The following SAMTOR variants were observed in gnomAD, a reference collection of about 807,000 sequenced individuals.
SAMTOR encodes the protein UPF0532 protein C7orf60.
chr7:112,902,416 C>CAAAAAAAAAAAAAAAAAA, the SAMTOR span, among the ~76,000 whole-genome samples: 16 of 12,312 alleles, frequency 1.3e-3, 3 homozygotes, highest in East Asian at 0.012. Flanking sequence ...AACTCCGTCT[C>CAAAAAAAAAAAAAAAAAA]AAAAAAAAAA....
the SAMTOR span, among the ~76,000 whole-genome samples, chr7:112,828,881 T>C: frequency 6.6e-6 from 1 of 152,226 alleles, no homozygotes; most frequent in African/African-American, 2.4e-5. Flanking sequence ...TATAAAATTC[T>C]AGGTGACTTT....
chr7:112,845,815 A>C, the SAMTOR span, among the ~76,000 whole-genome samples: 1 of 152,212 alleles, frequency 6.6e-6, no homozygotes, highest in Non-Finnish European at 1.5e-5. Flanking sequence ...TGACAGTAGC[A>C]AAGACGTGGA....
the SAMTOR span, among the ~76,000 whole-genome samples, chr7:112,873,621 A>G: frequency 6.6e-6 from 1 of 152,192 alleles, no homozygotes; most frequent in African/African-American, 2.4e-5. Context: ...CTAGAATAAA[A>G]TCTAGGAAAC....
At chr7:112,879,208 G>A in the SAMTOR span, among the ~76,000 whole-genome samples, 5 of 149,304 alleles carry the variant, frequency 3.3e-5, no homozygotes, top group Non-Finnish European at 7.4e-5. Context: ...TAGATATATG[G>A]AGGTCAAGTC....
the SAMTOR span, among the ~76,000 whole-genome samples, chr7:112,929,588 C>A: frequency 6.6e-6 from 1 of 151,914 alleles, no homozygotes; most frequent in South Asian, 2.1e-4. Flanking sequence ...GGGTATTTAT[C>A]CAAAGGAAAT....
the SAMTOR span, among the ~76,000 whole-genome samples, chr7:112,826,128 T>C: frequency 2.6e-5 from 4 of 152,162 alleles, no homozygotes; most frequent in Non-Finnish European, 5.9e-5. Flanking sequence ...TATGGATCTG[T>C]AGTTTTGTTT....
the SAMTOR span, among the ~76,000 whole-genome samples, chr7:112,897,389 A>G: frequency 1.8e-4 from 28 of 152,288 alleles, no homozygotes; most frequent in African/African-American, 6.7e-4. Flanking sequence ...TTATGTTTCT[A>G]TCAGGTAGAA....
At chr7:112,912,373 T>C in the SAMTOR span, among the ~76,000 whole-genome samples, 1 of 152,084 alleles carries the variant, frequency 6.6e-6, no homozygotes, top group African/African-American at 2.4e-5. Flanking sequence ...ATGATTCATA[T>C]TACATATAAA....
At chr7:112,934,185 T>C in the SAMTOR span, among the ~76,000 whole-genome samples, 1 of 152,138 alleles carries the variant, frequency 6.6e-6, no homozygotes, top group Non-Finnish European at 1.5e-5. Flanking sequence ...CTGTGTTCTG[T>C]GATGGTTCCA....
the SAMTOR span, among the ~76,000 whole-genome samples, chr7:112,891,728 TA>T: frequency 1.3e-5 from 2 of 152,198 alleles, no homozygotes; most frequent in African/African-American, 2.4e-5. Context: ...TAGCATTGTC[TA>T]AAAAACAATG....
the SAMTOR span, among the ~76,000 whole-genome samples, chr7:112,842,004 T>C: frequency 1.1e-4 from 17 of 152,148 alleles, no homozygotes; most frequent in African/African-American, 4.1e-4. Context: ...TTCATAATTC[T>C]AATATACAAA....
the SAMTOR span, chr7:112,819,796 A>G: frequency 6.6e-6 from 1 of 152,520 alleles, no homozygotes; most frequent in African/African-American, 2.4e-5. Flanking sequence ...CAGCCTTTCA[A>G]AAGCGCTGTT....
At chr7:112,891,692 T>C in the SAMTOR span, among the ~76,000 whole-genome samples, 1 of 152,240 alleles carries the variant, frequency 6.6e-6, no homozygotes, top group Admixed American at 6.5e-5. Flanking sequence ...TATGTTCCAC[T>C]ACACCATAGT....
chr7:112,911,464 C>T, the SAMTOR span, among the ~76,000 whole-genome samples: 1 of 151,992 alleles, frequency 6.6e-6, no homozygotes, highest in Admixed American at 6.6e-5. Context: ...AAAAGCATGT[C>T]TCTCTGGAGA....
At chr7:112,882,701 C>T in the SAMTOR span, among the ~76,000 whole-genome samples, 3 of 148,924 alleles carry the variant, frequency 2.0e-5, no homozygotes, top group East Asian at 2.0e-4. Context: ...AAACAACCAA[C>T]GAACCAACCA....
chr7:112,820,614 T>C, the SAMTOR span: 2 of 152,134 alleles, frequency 1.3e-5, no homozygotes, highest in East Asian at 3.8e-4. Context: ...CCCTAATCAT[T>C]TGCTTCTGAT....
At chr7:112,856,785 T>C in the SAMTOR span, among the ~76,000 whole-genome samples, 85 of 152,318 alleles carry the variant, frequency 5.6e-4, no homozygotes, top group Non-Finnish European at 8.2e-4. Context: ...AATGAGTATC[T>C]CCTAAAACAA....
the SAMTOR span, among the ~76,000 whole-genome samples, chr7:112,906,954 A>G: frequency 6.6e-6 from 1 of 152,220 alleles, no homozygotes; most frequent in Non-Finnish European, 1.5e-5. Flanking sequence ...TGTAATCTCA[A>G]TAAAAGTAAT....
chr7:112,845,297 AACAG>A, the SAMTOR span, among the ~76,000 whole-genome samples: 145 of 152,322 alleles, frequency 9.5e-4, no homozygotes, highest in Admixed American at 4.8e-3. Context: ...CAACAGAGTA[AACAG>A]ACTAGCTATA....
Sources: allele counts gnomAD v4.1 joint callset (sites outside exome capture counted in the v4.1 genomes callset), GRCh38; gene constraint gnomAD v4.1.1; transcripts MANE v1.5; gene names NCBI Gene and HGNC (gene_info 2026-07-23, HGNC 2026-07-21).